The following CBLIF variants were observed in gnomAD, a reference collection of about 807,000 sequenced individuals.
The protein encoded by CBLIF is cobalamin binding intrinsic factor.
A neutral mutation model predicts 44.9 loss-of-function variants in CBLIF; 24 were observed. The observed-to-expected ratio is 0.53, with a 90% CI of 0.39 to 0.75. The LOEUF is 0.75. Ranked by LOEUF, CBLIF falls within the 30% of genes least tolerant of loss-of-function variation. The pLI, the probability that CBLIF is intolerant of heterozygous loss-of-function variation, is 0.00. For synonymous variants in CBLIF, 183 were observed against 190.9 expected, an observed-to-expected ratio of 0.96 and a Z score of 0.34; for missense variants, 481 against 513.0, an observed-to-expected ratio of 0.94 and a Z score of 0.60.
chr11:59,843,001 CTT>C, intron 3 of CBLIF, 25 bp downstream of exon 3: 3 of 1,348,918 alleles, frequency 2.2e-6, no homozygotes, highest in South Asian at 1.2e-5. Context: ...ATGCCTGACT[CTT>C]TTCTCCCTTC....
chr11:59,843,289 A>C, intron 2 of CBLIF, 148 bp from the exon 3 acceptor site: 1 of 670,058 alleles, frequency 1.5e-6, no homozygotes, highest in South Asian at 1.6e-5. Context: ...TCCAAAGAAA[A>C]AAATATGGAA....
chr11:59,836,047 TG>T, intron 6 of CBLIF, 38 bp from the exon 7 acceptor site: 1 of 1,543,738 alleles, frequency 6.5e-7, no homozygotes, highest in Non-Finnish European at 9.0e-7. Context: ...TCAAAGATTA[TG>T]GGGTTTGTAT....
intron 7 of CBLIF, among the ~76,000 whole-genome samples, chr11:59,833,453 G>A (rs1866399594): frequency 6.6e-6 from 1 of 151,778 alleles, no homozygotes; most frequent in Non-Finnish European, 1.5e-5. Context: ...GGAGGTGGGG[G>A]TTGCAGTGAG....
intron 5 of CBLIF, among the ~76,000 whole-genome samples, chr11:59,839,807 C>G (rs968136688): frequency 3.3e-5 from 5 of 151,932 alleles, no homozygotes; most frequent in Non-Finnish European, 7.4e-5. Context: ...AAAATCCAAA[C>G]AGAATTCACA....
intron 5 of CBLIF, among the ~76,000 whole-genome samples, chr11:59,838,778 T>A (rs940955942): frequency 2.0e-5 from 3 of 152,144 alleles, no homozygotes; most frequent in Non-Finnish European, 4.4e-5. Context: ...GATAACACAT[T>A]AAGTGGTTAG....
rs139978949 is a variant in CBLIF, at chr11:59,844,186, A to G, written c.80-131T>C. ...CAGTGTTACTCTTGTTGCCCAGGCT[A>G]GAGTGCAATGGCACGATCTCGGCTC... On this transcript the variant is annotated intron_variant, in intron 1 of 8. Coordinates refer to ENST00000257248, the MANE Select transcript of CBLIF (RefSeq NM_005142.3). 220 of 755,378 alleles carry G rather than the reference A, an allele frequency of 2.9e-4. No homozygotes were observed. The African/African-American group carries it at 3.2e-3, about 11-fold the overall frequency. 46.8% of individuals were successfully genotyped at this position (755,378 alleles called of 1,614,324 possible). A position where few individuals can be genotyped will look rare whatever the true frequency, so the allele number is the denominator to read the frequency against.
intron 5 of CBLIF, among the ~76,000 whole-genome samples, chr11:59,839,260 C>G (rs1437160177): frequency 6.6e-6 from 1 of 152,218 alleles, no homozygotes; most frequent in East Asian, 1.9e-4. Flanking sequence ...TCATGAGCGT[C>G]TTTGGGTAGG....
intron 1 of CBLIF, 26 bp downstream of exon 1, chr11:59,845,349 C>T (rs201637479): frequency 6.2e-7 from 1 of 1,609,178 alleles, no homozygotes; most frequent in Non-Finnish European, 8.5e-7. Context: ...GCTTCCCTGA[C>T]CTCCTTGGAA....
intron 7 of CBLIF, among the ~76,000 whole-genome samples, chr11:59,834,100 T>A (rs1866409989): frequency 6.6e-6 from 1 of 152,218 alleles, no homozygotes. Context: ...GTATCTGCTA[T>A]CTACTGCATG....
rs112953354 is a variant in CBLIF, at chr11:59,838,435, GTT to G, written c.694-1086_694-1085del. ...AGTGCGATTATGGCCACCAGAGCAT[GTT>G]AATAGGCTGAGATTGTTAATGACTG... On this transcript the variant is annotated intron_variant, in intron 5 of 8. Transcript: ENST00000257248. Among the ~76,000 whole-genome samples, 765 of 152,266 alleles carry G rather than the reference GTT, an allele frequency of 5.0e-3. 6 individuals carry two copies. The highest frequency in any genetic ancestry group is 0.016 in the African/African-American group (675 of 41,544).
chr11:59,841,854 A>G (rs1363308207), intron 4 of CBLIF, among the ~76,000 whole-genome samples: 1 of 152,180 alleles, frequency 6.6e-6, no homozygotes, highest in Non-Finnish European at 1.5e-5. Context: ...CCCACAGAGA[A>G]GGATCATTAT....
At chr11:59,844,294 C>A (rs1273579399) in intron 1 of CBLIF, among the ~76,000 whole-genome samples, 1 of 152,064 alleles carries the variant, frequency 6.6e-6, no homozygotes, top group East Asian at 1.9e-4. Context: ...TGCACCACCA[C>A]GCCAGGCTAA....
At chr11:59,835,350 G>C (rs1178034251) in intron 7 of CBLIF, among the ~76,000 whole-genome samples, 1 of 151,816 alleles carries the variant, frequency 6.6e-6, no homozygotes, top group Non-Finnish European at 1.5e-5. Context: ...TCACCATGTT[G>C]GTGAAACTCC....
At chr11:59,836,084 G>A in intron 6 of CBLIF, 75 bp from the exon 7 acceptor site, 1 of 1,101,910 alleles carries the variant, frequency 9.1e-7, no homozygotes, top group Non-Finnish European at 1.4e-6. Flanking sequence ...TCTGTTATTG[G>A]CAACTTACCC....
chr11:59,845,455 TCA>T lies in CBLIF; in HGVS notation c.-4_-3del, dbSNP rs758852142. 8.1e-6 allele frequency: 13 copies of T among 1,600,504 alleles called. No homozygotes were observed. In the African/African-American group the frequency reaches 1.5e-4, roughly 18 times the overall value. On this transcript the variant is annotated 5_prime_UTR_variant, in exon 1 of 9. Coordinates refer to ENST00000257248, the MANE Select transcript of CBLIF (RefSeq NM_005142.3). ...GAGGTAGAGGGCAAACCAGGCCATC[TCA>T]CTCTCTCGTCTATGTCTCTCATCCA... is the stretch of plus-strand genomic sequence containing the variant.
intron 7 of CBLIF, among the ~76,000 whole-genome samples, chr11:59,834,288 CTTTCTTTCTTTCTTTCTTT>C (rs1565207472): frequency 1.6e-4 from 22 of 138,554 alleles, no homozygotes; most frequent in South Asian, 9.5e-4. Flanking sequence ...TTCTTTCTTT[CTTTCTTTCTTTCTTTCTTT>C]CTTTCTTCCT....
Position 59,842,594 on chromosome 11 carries a change from G to A in CBLIF, c.371-11C>T. On this transcript the variant is annotated splice_polypyrimidine_tract_variant and intron_variant, in intron 3 of 8. Transcript: ENST00000257248. ...CTTCAGCGTTGGGGCCTCCGAAGGGGATAGAGAACCTTCATCAGACTCACA... is the reference window on the plus strand; with the variant it reads ...CTTCAGCGTTGGGGCCTCCGAAGGGAATAGAGAACCTTCATCAGACTCACA... 3 of 1,612,710 alleles carry A rather than the reference G, an allele frequency of 1.9e-6. No homozygotes were observed. The highest frequency in any genetic ancestry group is 2.5e-6 in the Non-Finnish European group (3 of 1,178,812).
intron 7 of CBLIF, among the ~76,000 whole-genome samples, chr11:59,835,558 G>T (rs574473215): frequency 6.6e-6 from 1 of 152,242 alleles, no homozygotes; most frequent in South Asian, 2.1e-4. Flanking sequence ...AGTCTCTTTT[G>T]CCTGTTCTAC....
intron 7 of CBLIF, among the ~76,000 whole-genome samples, chr11:59,834,311 T>TCTTTCCTTTCTTCCTTC (rs1555012146): frequency 2.8e-5 from 1 of 35,564 alleles, no homozygotes; most frequent in Admixed American, 3.6e-4. Flanking sequence ...TTTCTTTCTT[T>TCTTTCCTTTCTTCCTTC]CTTCCTTCCT....
Sources: allele counts gnomAD v4.1 joint callset (sites outside exome capture counted in the v4.1 genomes callset), GRCh38; gene constraint gnomAD v4.1.1; transcripts MANE v1.5; gene names NCBI Gene and HGNC (gene_info 2026-07-23, HGNC 2026-07-21).